The following CCKBR variants were observed in gnomAD, a reference collection of about 807,000 sequenced individuals.
The protein encoded by CCKBR is cholecystokinin B receptor.
Under a neutral mutation model 34.6 loss-of-function variants are expected in CCKBR, and 33 were observed. The ratio of observed to expected loss-of-function variants is 0.95; its 90% confidence interval spans 0.72 to 1.27. The LOEUF is 1.27. CCKBR is among the 50% of genes most tolerant of loss of function. CCKBR has a pLI of 0.00. For missense variants in CCKBR, 652 were observed against 617.4 expected (o/e 1.06, Z -0.59); for synonymous variants, 269 against 267.5 (o/e 1.01, Z -0.06).
intron 1 of CCKBR, among the ~76,000 whole-genome samples, chr11:6,262,722 G>GAGAGAGAGAA (rs377114173): frequency 0.014 from 1,651 of 118,832 alleles, 20 homozygotes; most frequent in East Asian, 0.035. Flanking sequence ...GAGAGAGAGA[G>GAGAGAGAGAA]AGAAAGAAAA....
At chr11:6,262,724 GAA>G (rs58970126) in intron 1 of CCKBR, among the ~76,000 whole-genome samples, 5 of 138,260 alleles carry the variant, frequency 3.6e-5, no homozygotes, top group African/African-American at 1.3e-4. Flanking sequence ...GAGAGAGAGA[GAA>G]AGAAAAGCAG....
At chr11:6,260,411 C>G (rs1351198575) in intron 1 of CCKBR, among the ~76,000 whole-genome samples, 1 of 152,108 alleles carries the variant, frequency 6.6e-6, no homozygotes, top group East Asian at 1.9e-4. Context: ...TCTTGCCAAC[C>G]CTGCAGATCT....
Position 6,259,899 on chromosome 11 carries a change from C to T in CCKBR, c.-30C>T. The T allele has an allele frequency of 7.1e-7, 1 of 1,407,626 alleles. No homozygotes were observed. The allele number at this position is 1,407,626 out of a possible 1,614,324, so 87.2% of individuals were successfully genotyped here. ...CGCGTTGGGAGCCCGCCGGGTCGAG[C>T]TGAGTAAGGCGGCGGGCTCGGCGGG... On this transcript the variant is annotated 5_prime_UTR_variant, in exon 1 of 5. Coordinates refer to ENST00000334619, the MANE Select transcript of CCKBR (RefSeq NM_176875.4).
chr11:6,260,188 T>C, intron 1 of CCKBR, 109 bp downstream of exon 1: 1 of 750,016 alleles, frequency 1.3e-6, no homozygotes, highest in Non-Finnish European at 2.1e-6. Flanking sequence ...GTCCACACCG[T>C]GCCTCTCATA....
intron 1 of CCKBR, among the ~76,000 whole-genome samples, chr11:6,261,246 T>C (rs1335481047): frequency 6.6e-6 from 1 of 151,480 alleles, no homozygotes; most frequent in Non-Finnish European, 1.5e-5. Context: ...CAAAGTTTAA[T>C]GGGCGAGACA....
chr11:6,260,004 G>A lies in CCKBR; in HGVS notation c.76G>A (p.Ala26Thr), dbSNP rs752845810. Residue 26 changes from alanine (A) to threonine (T), a missense_variant, in exon 1 of 5, where the codon GCG becomes ACG. Ala to Thr is a moderately conservative substitution (Grantham distance 58). Transcript: ENST00000334619. ...GPGASLCRPG[A>T]PLLNSSSVGN... ...GGGGGCTTCCCTGTGCCGCCCGGGG[G>A]CGCCTCTCCTCAACAGCAGCAGTGT... 4.5e-5 allele frequency: 71 copies of A among 1,588,736 alleles called. No individual in the cohort carries two copies. The Middle Eastern group carries it at 5.1e-4, about 11-fold the overall frequency.
chr11:6,271,844 G>C lies in CCKBR; in HGVS notation c.*301G>C. The stretch of plus-strand genomic sequence containing the variant: ...TCTACACAGTGGGAACTCTGACAAG[G>C]GCTGACCTGCCTCTCACACACATAG... On this transcript the variant is annotated 3_prime_UTR_variant, in exon 5 of 5. Coordinates refer to ENST00000334619, the MANE Select transcript of CCKBR (RefSeq NM_176875.4). 1 of 374,896 alleles carries C rather than the reference G, an allele frequency of 2.7e-6. No homozygotes were observed. Among genetic ancestry groups the C allele is most frequent in the South Asian group, 7.2e-5 (1 of 13,970 alleles). 23.2% of individuals were successfully genotyped at this position (374,896 alleles called of 1,614,324 possible). A position where few individuals can be genotyped will look rare whatever the true frequency, so the allele number is the denominator to read the frequency against.
intron 1 of CCKBR, among the ~76,000 whole-genome samples, chr11:6,263,086 A>G (rs1443067046): frequency 6.6e-6 from 1 of 152,240 alleles, no homozygotes; most frequent in Non-Finnish European, 1.5e-5. Flanking sequence ...CTGCAGATGC[A>G]TAGGTTACCC....
At chr11:6,267,990 A>C (rs895818099) in intron 1 of CCKBR, among the ~76,000 whole-genome samples, 1 of 152,148 alleles carries the variant, frequency 6.6e-6, no homozygotes, top group African/African-American at 2.4e-5. Flanking sequence ...GACTATAGGC[A>C]CGTATCACCA....
At position 6,269,894 on chromosome 11, in the gene CCKBR, T is replaced by A; in HGVS notation, c.377T>A (p.Ile126Asn). 6.2e-7 allele frequency: 1 copy of A among 1,614,090 alleles called. No individual in the cohort carries two copies. Among genetic ancestry groups the A allele is most frequent in the East Asian group, 2.2e-5 (1 of 44,856 alleles). ...LMGTFIFGTV[I>N]CKAVSYLMGV... ...GGCACATTCATCTTTGGCACCGTCA[T>A]CTGCAAGGCGGTTTCCTACCTCATG... The change falls in exon 2 of 5, where the codon ATC becomes AAC. Residue 126 changes from isoleucine (I) to asparagine (N), a missense_variant. By Grantham distance (149) the Ile-to-Asn change is moderately radical. Coordinates refer to ENST00000334619, the MANE Select transcript of CCKBR (RefSeq NM_176875.4).
chr11:6,263,953 A>G (rs978271710), intron 1 of CCKBR, among the ~76,000 whole-genome samples: 6 of 152,230 alleles, frequency 3.9e-5, no homozygotes, highest in Non-Finnish European at 5.9e-5. Context: ...TACCTACAAA[A>G]TGTTATCTAC....
chr11:6,268,252 ATCAG>A (rs1404920126), intron 1 of CCKBR, among the ~76,000 whole-genome samples: 1 of 152,168 alleles, frequency 6.6e-6, no homozygotes, highest in African/African-American at 2.4e-5. Flanking sequence ...TAAAATGAGA[ATCAG>A]TCAAAGTATG....
In CCKBR at chr11:6,271,843, G is replaced by T; in HGVS notation, c.*300G>T. 2.7e-6 allele frequency: 1 copy of T among 375,566 alleles called. No individual in the cohort carries two copies. The highest frequency in any genetic ancestry group is 4.8e-6 in the Non-Finnish European group (1 of 208,598). The allele number at this position is 375,566 out of a possible 1,614,324, so 23.3% of individuals were successfully genotyped here. On this transcript the variant is annotated 3_prime_UTR_variant, in exon 5 of 5. Transcript: ENST00000334619. ...TTCTACACAGTGGGAACTCTGACAA[G>T]GGCTGACCTGCCTCTCACACACATA...
chr11:6,262,887 G>A (rs975199536), intron 1 of CCKBR, among the ~76,000 whole-genome samples: 8 of 152,118 alleles, frequency 5.3e-5, no homozygotes, highest in African/African-American at 1.7e-4. Flanking sequence ...GAAGATTGAA[G>A]GTGCAGATAA....
chr11:6,271,032 G>C lies in CCKBR; in HGVS notation c.833G>C (p.Arg278Pro), dbSNP rs145313566. The C allele has an allele frequency of 1.2e-6, 2 of 1,614,086 alleles. No homozygotes were observed. The highest frequency in any genetic ancestry group is 1.7e-6 in the Non-Finnish European group (2 of 1,180,050). Residue 278 changes from arginine to proline, a missense_variant, in exon 5 of 5, where the codon CGT becomes CCT. Coordinates refer to ENST00000334619, the MANE Select transcript of CCKBR (RefSeq NM_176875.4). Reference sequence around the variant, plus strand: ...TCAGGGGCTGTTCACCAGAACGGGCGTTGCCGGCCTGAGACTGGCGCGGTT... The same window carrying C: ...TCAGGGGCTGTTCACCAGAACGGGCCTTGCCGGCCTGAGACTGGCGCGGTT... ...GLPGAVHQNG[R>P]CRPETGAVGE...
chr11:6,263,644 G>T (rs1054120341), intron 1 of CCKBR, among the ~76,000 whole-genome samples: 8 of 151,750 alleles, frequency 5.3e-5, no homozygotes, highest in Non-Finnish European at 1.0e-4. Flanking sequence ...CTAATTTTTT[G>T]TATTTTTTGT....
intron 1 of CCKBR, among the ~76,000 whole-genome samples, chr11:6,268,265 T>G (rs904481221): frequency 1.3e-5 from 2 of 152,286 alleles, no homozygotes; most frequent in African/African-American, 2.4e-5. Context: ...AGTCAAAGTA[T>G]GGGGCTCTGG....
At chr11:6,262,686 AAGAGAGAGAGAGAGAGAGAGAG>A (rs57265861) in intron 1 of CCKBR, among the ~76,000 whole-genome samples, 1 of 119,204 alleles carries the variant, frequency 8.4e-6, no homozygotes, top group African/African-American at 3.1e-5. Context: ...TAGGCAAAGA[AAGAGAGAGAGAGAGAGAGAGAG>A]AGAGAGAGAG....
chr11:6,262,548 T>C (rs112189508), intron 1 of CCKBR, among the ~76,000 whole-genome samples: 8,005 of 152,230 alleles, frequency 0.053, 283 homozygotes, highest in Non-Finnish European at 0.076. Context: ...TCACATTCAA[T>C]AACAAGAAAA....
Sources: gnomAD v4.1 joint callset for allele counts (sites outside exome capture counted in the v4.1 genomes callset) on GRCh38, gnomAD v4.1.1 for gene constraint, MANE v1.5 for transcripts, NCBI Gene and HGNC (gene_info 2026-07-23, HGNC 2026-07-21) for gene names.